Variants in KREMEN1 observed in about 807,000 individuals in gnomAD.
KREMEN1 encodes kremen protein 1.
In KREMEN1, 30 loss-of-function variants were observed where a neutral mutation model predicts 46.5. The observed-to-expected ratio is 0.65, with a 90% CI of 0.48 to 0.88. KREMEN1 has a LOEUF of 0.88. Among genes scored for constraint, KREMEN1 ranks in the 40% least tolerant of loss-of-function variants. The pLI, the probability that KREMEN1 is intolerant of heterozygous loss-of-function variation, is 0.00. For synonymous variants in KREMEN1, 214 were observed against 230.6 expected, an observed-to-expected ratio of 0.93 and a Z score of 0.65; for missense variants, 533 against 596.9, an observed-to-expected ratio of 0.89 and a Z score of 1.11.
At chr22:29,138,906 C>T in intron 7 of KREMEN1, 124 bp downstream of exon 7, 1 of 1,349,720 alleles carries the variant, frequency 7.4e-7, no homozygotes, top group Non-Finnish European at 1.1e-6. Flanking sequence ...GGGATACTGG[C>T]TCTGTGACCT....
At position 29,144,428 on chromosome 22, in the gene KREMEN1, C is replaced by T. The variant is rs1002085085; in HGVS notation, c.*2316C>T. ...GGGGCAGGACTGCCACCCCAGGCCC[C>T]GTGGGAGGCCTGCTGAGGGCACAGA... On this transcript the variant is annotated 3_prime_UTR_variant, in exon 9 of 9. Coordinates refer to ENST00000400335, the MANE Select transcript of KREMEN1 (RefSeq NM_001039570.3). 1 of 985,590 alleles carries T rather than the reference C, an allele frequency of 1.0e-6. No homozygotes were observed. The highest frequency in any genetic ancestry group is 1.2e-6 in the Non-Finnish European group (1 of 830,044). The allele number at this position is 985,590 out of a possible 1,614,324, so 61.1% of individuals were successfully genotyped here. A position where few individuals can be genotyped will look rare whatever the true frequency, so the allele number is the denominator to read the frequency against.
At chr22:29,117,759 C>T (rs1490966002) in intron 3 of KREMEN1, among the ~76,000 whole-genome samples, 1 of 152,140 alleles carries the variant, frequency 6.6e-6, no homozygotes, top group African/African-American at 2.4e-5. Flanking sequence ...TGGAGTGATT[C>T]ATAAATCGAT....
chr22:29,161,937 G>A (rs908037159), intron 9 of KREMEN1, among the ~76,000 whole-genome samples: 10 of 151,918 alleles, frequency 6.6e-5, no homozygotes, highest in South Asian at 4.2e-4. Flanking sequence ...CCAACATGGC[G>A]AAACCCCATC....
At chr22:29,089,437 C>T (rs1394927394) in intron 1 of KREMEN1, among the ~76,000 whole-genome samples, 1 of 152,146 alleles carries the variant, frequency 6.6e-6, no homozygotes. Context: ...AATCGGTCCA[C>T]TTCTCACCAC....
chr22:29,146,513 C>T lies in KREMEN1; in HGVS notation c.*4401C>T. 1.0e-6 allele frequency: 1 copy of T among 985,622 alleles called. No individual in the cohort carries two copies. Among genetic ancestry groups the T allele is most frequent in the East Asian group, 1.1e-4 (1 of 8,812 alleles). The allele number at this position is 985,622 out of a possible 1,614,324, so 61.1% of individuals were successfully genotyped here. On this transcript the variant is annotated 3_prime_UTR_variant, in exon 9 of 9. Transcript: ENST00000400335. ...AGGCCCTTCCCCGCCCGCACGGGAG[C>T]TGCCATCGTGGGTCTCATGCACGTC...
At position 29,142,435 on chromosome 22, in the gene KREMEN1, T is replaced by A; in HGVS notation, c.*323T>A. On this transcript the variant is annotated 3_prime_UTR_variant, in exon 9 of 9. Transcript: ENST00000400335. Reference sequence around the variant, plus strand: ...CTGAGATGACAGAGGTGGTCATGGCTGGCACAGGGCTCAGGTACATTCTAG... The same window carrying A: ...CTGAGATGACAGAGGTGGTCATGGCAGGCACAGGGCTCAGGTACATTCTAG... 9.4e-7 allele frequency: 1 copy of A among 1,061,878 alleles called. No individual in the cohort carries two copies. The highest frequency in any genetic ancestry group is 1.1e-6 in the Non-Finnish European group (1 of 880,140). 65.8% of individuals were successfully genotyped at this position (1,061,878 alleles called of 1,614,324 possible). A position where few individuals can be genotyped will look rare whatever the true frequency, so the allele number is the denominator to read the frequency against.
intron 9 of KREMEN1, among the ~76,000 whole-genome samples, chr22:29,164,753 AAAAC>A (rs1393127860): frequency 6.7e-6 from 1 of 149,490 alleles, no homozygotes; most frequent in Non-Finnish European, 1.5e-5. Context: ...TCTCAAAAAA[AAAAC>A]AAAAAAAAAA....
At chr22:29,126,246 A>G (rs887224336) in intron 5 of KREMEN1, among the ~76,000 whole-genome samples, 3 of 152,218 alleles carry the variant, frequency 2.0e-5, no homozygotes, top group South Asian at 2.1e-4. Flanking sequence ...CAAAAATGAC[A>G]TATGGTTTAT....
chr22:29,167,286 G>A, exon 10 of KREMEN1: 2 of 624,108 alleles, frequency 3.2e-6, no homozygotes, highest in Non-Finnish European at 5.8e-6. Context: ...TTGAGCCCAG[G>A]AGGTCGAGGC....
Position 29,140,281 on chromosome 22 carries a change from G to A in KREMEN1, c.1124-1G>A. 1 of 1,613,418 alleles carries A rather than the reference G, an allele frequency of 6.2e-7. No homozygotes were observed. The highest frequency in any genetic ancestry group is 2.2e-5 in the East Asian group (1 of 44,898). ...GTAAGCTCTGTCTTTTGCACTTGCA[G>A]GATGGACAGTCTATGGTCTGGCAAC... On this transcript the variant is annotated splice_acceptor_variant, in intron 7 of 8. Coordinates refer to ENST00000400335, the MANE Select transcript of KREMEN1 (RefSeq NM_001039570.3). LOFTEE classifies it high-confidence loss of function.
intron 5 of KREMEN1, among the ~76,000 whole-genome samples, chr22:29,136,574 CAA>C (rs111377881): frequency 1.3e-4 from 16 of 125,720 alleles, no homozygotes; most frequent in Admixed American, 1.6e-4. Context: ...GACTCCTTCT[CAA>C]AAAAAAAAAA....
chr22:29,122,961 A>G (rs113016387), intron 4 of KREMEN1, among the ~76,000 whole-genome samples: 7,196 of 149,640 alleles, frequency 0.048, 515 homozygotes, highest in South Asian at 0.17. Context: ...AAAAAAAAAA[A>G]AAAAAGACAT....
intron 3 of KREMEN1, chr22:29,111,507 G>A (rs1425864737): frequency 6.6e-5 from 10 of 151,252 alleles, no homozygotes; most frequent in Admixed American, 1.3e-4. Flanking sequence ...CCAGCTACGC[G>A]GGAGGCTGAG....
intron 3 of KREMEN1, among the ~76,000 whole-genome samples, chr22:29,115,041 T>C (rs922133952): frequency 8.1e-6 from 1 of 123,246 alleles, no homozygotes; most frequent in African/African-American, 2.6e-5. Context: ...GTGGATGTCG[T>C]TAAGTGGTTG....
At position 29,130,790 on chromosome 22, in the gene KREMEN1, C is replaced by A. The variant is rs896234449; in HGVS notation, c.631+5374C>A. Among the ~76,000 whole-genome samples the A allele has an allele frequency of 2.0e-5, 3 of 152,204 alleles. No individual in the cohort carries two copies. In the South Asian group the frequency reaches 6.2e-4, roughly 32 times the overall value. On this transcript the variant is annotated intron_variant, in intron 5 of 8. Coordinates refer to ENST00000400335, the MANE Select transcript of KREMEN1 (RefSeq NM_001039570.3). ...AGGCAGGAGGACACCGGCCCCCTGC[C>A]ATGGAGGGCTTGCCCAGGTCTATCC...
chr22:29,134,357 G>T (rs1966551772), intron 5 of KREMEN1, among the ~76,000 whole-genome samples: 1 of 151,998 alleles, frequency 6.6e-6, no homozygotes, highest in African/African-American at 2.4e-5. Context: ...GGGTCTCACT[G>T]TGTTCCTCAG....
At chr22:29,117,766 C>T (rs752964065) in intron 3 of KREMEN1, among the ~76,000 whole-genome samples, 10 of 152,028 alleles carry the variant, frequency 6.6e-5, no homozygotes, top group Admixed American at 1.3e-4. Context: ...ATTCATAAAT[C>T]GATAACATAG....
At chr22:29,089,282 G>A (rs2037773850) in intron 1 of KREMEN1, among the ~76,000 whole-genome samples, 1 of 150,672 alleles carries the variant, frequency 6.6e-6, no homozygotes, top group African/African-American at 2.5e-5. Flanking sequence ...TGACCTTCCT[G>A]AGCCCTCCCT....
intron 3 of KREMEN1, among the ~76,000 whole-genome samples, chr22:29,115,004 G>A (rs1318469887): frequency 6.6e-6 from 1 of 152,152 alleles, no homozygotes. Flanking sequence ...GAAGAAAGGA[G>A]TCAAAACCAA....
Sources: allele counts gnomAD v4.1 joint callset (sites outside exome capture counted in the v4.1 genomes callset), GRCh38; gene constraint gnomAD v4.1.1; transcripts MANE v1.5; gene names NCBI Gene and HGNC (gene_info 2026-07-23, HGNC 2026-07-21).